Variants in ASB3 observed in about 807,000 individuals in gnomAD.
ASB3 encodes the protein ankyrin repeat and SOCS box protein 3.
Under a neutral mutation model 54.5 loss-of-function variants are expected in ASB3, and 41 were observed. That is an observed-to-expected ratio of 0.75 (90% CI 0.59 to 0.98). ASB3 has a LOEUF of 0.98. Ranked by LOEUF, ASB3 falls within the 50% of genes least tolerant of loss-of-function variation. The pLI is 0.00. For synonymous variants in ASB3, 266 were observed against 221.2 expected (o/e 1.20, Z -1.80); for missense variants, 733 against 620.0 (o/e 1.18, Z -1.94).
At chr2:53,771,342 G>A (rs1003006005) in intron 1 of ASB3, among the ~76,000 whole-genome samples, 4 of 151,932 alleles carry the variant, frequency 2.6e-5, no homozygotes, top group Admixed American at 1.3e-4. Flanking sequence ...TGGTAAACCC[G>A]TCTCTACTAA....
intron 7 of ASB3, among the ~76,000 whole-genome samples, chr2:53,712,387 T>C (rs1368239568): frequency 6.6e-6 from 1 of 152,156 alleles, no homozygotes; most frequent in East Asian, 1.9e-4. Flanking sequence ...GCTCTCTACA[T>C]AACAAAATGG....
intron 6 of ASB3, among the ~76,000 whole-genome samples, chr2:53,715,149 G>A (rs1034546750): frequency 2.6e-5 from 4 of 151,934 alleles, no homozygotes; most frequent in Non-Finnish European, 5.9e-5. Context: ...TAAATATGGA[G>A]GCAGATTTAT....
intron 3 of ASB3, among the ~76,000 whole-genome samples, chr2:53,732,804 T>C (rs1022920712): frequency 6.6e-6 from 1 of 152,208 alleles, no homozygotes; most frequent in Non-Finnish European, 1.5e-5. Context: ...TAGTTACTAA[T>C]TGAGAAATCG....
chr2:53,747,334 T>C (rs1218727364), intron 3 of ASB3, among the ~76,000 whole-genome samples: 2 of 152,074 alleles, frequency 1.3e-5, no homozygotes, highest in African/African-American at 2.4e-5. Context: ...TCGCCTGAGG[T>C]CAGGAGTTCC....
chr2:53,735,864 A>C (rs1246265248), intron 3 of ASB3, among the ~76,000 whole-genome samples: 4 of 152,164 alleles, frequency 2.6e-5, no homozygotes, highest in Non-Finnish European at 5.9e-5. Flanking sequence ...CTTTTATGAC[A>C]AAGGTGACAA....
At chr2:53,756,098 GGAGGCTGCAAT>G (rs138731598) in intron 2 of ASB3, among the ~76,000 whole-genome samples, 3,745 of 151,920 alleles carry the variant, frequency 0.025, 54 homozygotes, top group Non-Finnish European at 0.036. Flanking sequence ...CCCAAGAGTT[GGAGGCTGCAAT>G]GAGCCATGAT....
intron 1 of ASB3, among the ~76,000 whole-genome samples, chr2:53,769,939 C>G (rs1049969254): frequency 2.6e-5 from 4 of 152,186 alleles, no homozygotes; most frequent in Non-Finnish European, 2.9e-5. Flanking sequence ...TATCTTAGCT[C>G]TATTTATTTC....
intron 1 of ASB3, 85 bp from the exon 2 acceptor site, chr2:53,765,670 C>CA: frequency 6.7e-7 from 1 of 1,497,272 alleles, no homozygotes; most frequent in Non-Finnish European, 9.1e-7. Context: ...GTGGGCCTGT[C>CA]TAGTATCTCT....
At chr2:53,698,952 C>T (rs1195344427) in intron 8 of ASB3, among the ~76,000 whole-genome samples, 2 of 152,202 alleles carry the variant, frequency 1.3e-5, no homozygotes, top group African/African-American at 4.8e-5. Context: ...TTATGAGCAA[C>T]AGCCCCACTT....
chr2:53,679,794 G>A (rs1032076729), intron 9 of ASB3, among the ~76,000 whole-genome samples: 7 of 151,814 alleles, frequency 4.6e-5, no homozygotes, highest in East Asian at 3.9e-4. Flanking sequence ...AGTTCATTAC[G>A]TAGATAAACT....
At chr2:53,728,364 A>T (rs1671124056) in intron 5 of ASB3, among the ~76,000 whole-genome samples, 1 of 152,208 alleles carries the variant, frequency 6.6e-6, no homozygotes, top group Admixed American at 6.5e-5. Context: ...CAAAATAGCC[A>T]TCTAATAAGG....
chr2:53,748,850 T>C (rs905877406), intron 3 of ASB3, among the ~76,000 whole-genome samples: 4 of 151,924 alleles, frequency 2.6e-5, no homozygotes, highest in East Asian at 1.9e-4. Context: ...CACGAAAAAA[T>C]TGAATGAGGG....
At chr2:53,705,446 G>A (rs1469797683) in intron 7 of ASB3, among the ~76,000 whole-genome samples, 1 of 152,160 alleles carries the variant, frequency 6.6e-6, no homozygotes, top group Non-Finnish European at 1.5e-5. Context: ...AAGGACTACT[G>A]TACACCATAC....
At chr2:53,744,466 CAAACA>C (rs1672120819) in intron 3 of ASB3, among the ~76,000 whole-genome samples, 1 of 151,160 alleles carries the variant, frequency 6.6e-6, no homozygotes, top group Non-Finnish European at 1.5e-5. Context: ...ACTAAAAAAA[CAAACA>C]AAAGTAAAAC....
chr2:53,759,776 T>C (rs1394256393), intron 2 of ASB3, among the ~76,000 whole-genome samples: 6 of 152,142 alleles, frequency 3.9e-5, no homozygotes, highest in Admixed American at 2.0e-4. Flanking sequence ...AAGGGAATCA[T>C]TGGAAGGCCC....
chr2:53,754,155 G>A (rs1672685566), intron 2 of ASB3, among the ~76,000 whole-genome samples: 1 of 152,086 alleles, frequency 6.6e-6, no homozygotes, highest in Non-Finnish European at 1.5e-5. Context: ...AACAATATGA[G>A]CAACAAAATA....
chr2:53,764,851 AC>A (rs1161489824), intron 2 of ASB3, among the ~76,000 whole-genome samples: 1 of 152,148 alleles, frequency 6.6e-6, no homozygotes, highest in Non-Finnish European at 1.5e-5. Context: ...TAACACTTTT[AC>A]CTTTTTAAAT....
In ASB3 at chr2:53,712,337, G is replaced by A. The variant is rs550391288; in HGVS notation, c.980+2047C>T. ...TAAATTCCTAAAGGATCGTGTGTAT[G>A]TTTCAGCTTCCTCAGTAAGTTTAAC... On this transcript the variant is annotated intron_variant, in intron 7 of 9. Coordinates refer to ENST00000263634, the MANE Select transcript of ASB3 (RefSeq NM_016115.5). Among the ~76,000 whole-genome samples the A allele has an allele frequency of 3.3e-5, 5 of 152,162 alleles. No individual in the cohort carries two copies. In the East Asian group the frequency reaches 9.7e-4, roughly 29 times the overall value.
chr2:53,721,817 A>AAT (rs1670727687), intron 5 of ASB3, among the ~76,000 whole-genome samples: 1 of 152,144 alleles, frequency 6.6e-6, no homozygotes, highest in Non-Finnish European at 1.5e-5. Flanking sequence ...CCCCAAAGCT[A>AAT]TTAGAAGAAA....
Sources: allele counts gnomAD v4.1 joint callset (sites outside exome capture counted in the v4.1 genomes callset), GRCh38; gene constraint gnomAD v4.1.1; transcripts MANE v1.5; gene names NCBI Gene and HGNC (gene_info 2026-07-23, HGNC 2026-07-21).